Variants in SLCO1B1 observed in about 807,000 individuals in gnomAD.
The protein encoded by SLCO1B1 is solute carrier organic anion transporter family member 1B1, also known as OATP-2.
Under a neutral mutation model 70.1 loss-of-function variants are expected in SLCO1B1, and 81 were observed. The ratio of observed to expected loss-of-function variants is 1.16; its 90% CI spans 0.97 to 1.39. SLCO1B1 has a LOEUF of 1.39. SLCO1B1 is among the 40% of genes most tolerant of loss of function. The pLI is 0.00. For missense variants in SLCO1B1, 895 were observed against 799.6 expected (o/e 1.12, Z -1.44); for synonymous variants, 283 against 271.5 (o/e 1.04, Z -0.42).
chr12:21,216,257 T>C (rs4149068), intron 11 of SLCO1B1, among the ~76,000 whole-genome samples: 7,464 of 152,192 alleles, frequency 0.049, 471 homozygotes, highest in East Asian at 0.28. Flanking sequence ...CCATAAAAAA[T>C]TCCTCTATAT....
intron 14 of SLCO1B1, among the ~76,000 whole-genome samples, chr12:21,234,333 T>TA (rs1030045054): frequency 2.2e-4 from 33 of 152,182 alleles, no homozygotes; most frequent in Admixed American, 7.9e-4. Flanking sequence ...TCTTAGGTTT[T>TA]ACAATAGTGC....
intron 7 of SLCO1B1, among the ~76,000 whole-genome samples, chr12:21,188,216 T>G (rs71446757): frequency 0.099 from 15,012 of 152,044 alleles, 994 homozygotes; most frequent in Non-Finnish European, 0.14. Flanking sequence ...TCCCTCTACC[T>G]CCTCCACCTC....
intron 7 of SLCO1B1, among the ~76,000 whole-genome samples, chr12:21,194,436 T>G (rs1050347873): frequency 4.0e-5 from 6 of 151,832 alleles, no homozygotes; most frequent in Non-Finnish European, 7.4e-5. Flanking sequence ...TTTGTTTTTT[T>G]GGGGGGGTTG....
rs561736086 is a variant in SLCO1B1 at position 21,220,463 on chromosome 12, T to C, written c.1683-1837T>C. Among the ~76,000 whole-genome samples, 93 of 152,246 alleles carry C rather than the reference T, an allele frequency of 6.1e-4. No homozygotes were observed. In the Middle Eastern group the frequency reaches 0.017, roughly 28 times the overall value. The stretch of plus-strand genomic sequence containing the variant: ...GGCATGATTATAGCTCACTGTAACC[T>C]TGAATGCCTGTATTCAAGCAATCCC... On this transcript the variant is annotated intron_variant, in intron 12 of 14. Transcript: ENST00000256958.
chr12:21,181,397 A>C (rs970608711), intron 7 of SLCO1B1, among the ~76,000 whole-genome samples: 2 of 152,188 alleles, frequency 1.3e-5, no homozygotes, highest in Non-Finnish European at 2.9e-5. Flanking sequence ...TTGCATGTAG[A>C]TGGAGTCACT....
intron 10 of SLCO1B1, among the ~76,000 whole-genome samples, chr12:21,203,181 G>A (rs1941177492): frequency 6.6e-6 from 1 of 151,870 alleles, no homozygotes; most frequent in Non-Finnish European, 1.5e-5. Context: ...CTTAACAAAA[G>A]AACACTTTTA....
intron 2 of SLCO1B1, among the ~76,000 whole-genome samples, chr12:21,146,663 T>G (rs1266093559): frequency 1.3e-5 from 2 of 152,160 alleles, no homozygotes; most frequent in African/African-American, 4.8e-5. Flanking sequence ...CAAGATGTTT[T>G]AAAATTTTTC....
rs768924486 is a variant in SLCO1B1, at chr12:21,196,932, ATTAT to A, written c.728-8_728-5del. 2 of 1,601,144 alleles carry A rather than the reference ATTAT, an allele frequency of 1.2e-6. No homozygotes were observed. The highest frequency in any genetic ancestry group is 2.3e-5 in the South Asian group (2 of 85,150). On this transcript the variant is annotated splice_polypyrimidine_tract_variant and intron_variant, in intron 7 of 14. Transcript: ENST00000256958. ...AAATGATTTTTGACTGGCTTCTATAATTATTTATTCTAGGCACTATCAGGATAAC... is the reference window on the plus strand; with the variant it reads ...AAATGATTTTTGACTGGCTTCTATAATTATTCTAGGCACTATCAGGATAAC...
chr12:21,224,272 A>G (rs907226885), intron 13 of SLCO1B1, among the ~76,000 whole-genome samples: 17 of 151,548 alleles, frequency 1.1e-4, no homozygotes, highest in Admixed American at 2.0e-4. Context: ...TTCTCTTAAA[A>G]TAATGTTAAA....
intron 2 of SLCO1B1, among the ~76,000 whole-genome samples, chr12:21,143,419 G>A (rs910154343): frequency 2.6e-5 from 4 of 152,012 alleles, no homozygotes; most frequent in Non-Finnish European, 5.9e-5. Context: ...TAAAACAAAT[G>A]TAATTCAGGA....
chr12:21,217,264 C>G lies in SLCO1B1; in HGVS notation c.1643C>G (p.Ser548Cys). 2 of 1,613,704 alleles carry G rather than the reference C, an allele frequency of 1.2e-6. No homozygotes were observed. The highest frequency in any genetic ancestry group is 1.7e-6 in the Non-Finnish European group (2 of 1,179,750). The change falls in exon 12 of 15, where the codon TCT (serine) becomes TGT (cysteine). Residue 548 changes from serine to cysteine, a missense_variant. By Grantham distance (112) the Ser-to-Cys change is moderately radical (BLOSUM62 -1). Transcript: ENST00000256958. ...VAIQVLNLFF[S>C]ALGGTSHVML... ...ATACAAGTCTTGAATTTATTTTTCT[C>G]TGCACTTGGAGGCACCTCACATGTC...
rs1204403120 is a variant in SLCO1B1, at chr12:21,203,858, G to T, written c.1331+1172G>T. On this transcript the variant is annotated intron_variant, in intron 10 of 14. Coordinates refer to ENST00000256958, the MANE Select transcript of SLCO1B1 (RefSeq NM_006446.5). ...AGTCACACAATGTCTTTAGACTCTA[G>T]ACTGATCCTATGTCACACCCTTAGT... 2.6e-5 allele frequency among the ~76,000 whole-genome samples: 4 copies of T among 152,090 alleles called. 1 individual carries two copies. The East Asian group carries it at 7.7e-4, about 29-fold the overall frequency.
At position 21,178,938 on chromosome 12, in the gene SLCO1B1, A is replaced by G; in HGVS notation, c.645A>G (p.Ile215Met). Residue 215 changes from isoleucine (I) to methionine (M), a missense_variant, in exon 7 of 15, where the codon ATA becomes ATG. Coordinates refer to ENST00000256958, the MANE Select transcript of SLCO1B1 (RefSeq NM_006446.5). ...TATTTTCAGGTATATTGAATGCAAT[A>G]GCAATGATTGGTCCAATCATTGGCT... The part of the protein sequence containing the change: ...SSLYLGILNA[I>M]AMIGPIIGFT... 6.2e-7 allele frequency: 1 copy of G among 1,609,282 alleles called. No individual in the cohort carries two copies. Among genetic ancestry groups the G allele is most frequent in the African/African-American group, 1.3e-5 (1 of 74,950 alleles).
At chr12:21,132,083 G>T (rs912921180) in intron 1 of SLCO1B1, among the ~76,000 whole-genome samples, 1 of 151,950 alleles carries the variant, frequency 6.6e-6, no homozygotes, top group Admixed American at 6.6e-5. Context: ...GAGAACATGC[G>T]GTGTTTGGTT....
At chr12:21,150,003 G>A (rs978365159) in intron 2 of SLCO1B1, among the ~76,000 whole-genome samples, 6 of 152,030 alleles carry the variant, frequency 3.9e-5, no homozygotes, top group African/African-American at 1.4e-4. Context: ...CGGGATGCTC[G>A]AGCTTGGTAG....
At chr12:21,156,795 G>A (rs1265885555) in intron 2 of SLCO1B1, among the ~76,000 whole-genome samples, 1 of 152,142 alleles carries the variant, frequency 6.6e-6, no homozygotes, top group African/African-American at 2.4e-5. Context: ...CATATTTTAA[G>A]TTCATCTGAA....
intron 11 of SLCO1B1, among the ~76,000 whole-genome samples, chr12:21,211,035 A>T (rs1941277486): frequency 1.3e-5 from 2 of 152,110 alleles, no homozygotes; most frequent in Admixed American, 6.6e-5. Context: ...CTCTTTTCCT[A>T]ATTGAATACC....
chr12:21,238,620 G>A (rs1941617653), intron 14 of SLCO1B1, among the ~76,000 whole-genome samples: 1 of 151,874 alleles, frequency 6.6e-6, no homozygotes, highest in Non-Finnish European at 1.5e-5. Context: ...CTACATTTAG[G>A]TTTTATTATT....
intron 14 of SLCO1B1, among the ~76,000 whole-genome samples, chr12:21,235,211 A>T (rs1198096473): frequency 1.3e-5 from 2 of 149,894 alleles, no homozygotes; most frequent in African/African-American, 4.9e-5. Flanking sequence ...TATTTATTTT[A>T]TAAATATGAT....
Sources: allele counts gnomAD v4.1 joint callset (sites outside exome capture counted in the v4.1 genomes callset), GRCh38; gene constraint gnomAD v4.1.1; transcripts MANE v1.5; gene names NCBI Gene and HGNC (gene_info 2026-07-23, HGNC 2026-07-21).